The following CUTC variants were observed in gnomAD, a reference collection of about 807,000 sequenced individuals.
CUTC encodes the protein copper homeostasis protein cutC homolog.
A neutral mutation model predicts 36.2 loss-of-function variants in CUTC; 27 were observed. The observed-to-expected ratio is 0.75, with a 90% CI of 0.55 to 1.03. The LOEUF (loss-of-function observed/expected upper bound fraction) is 1.03, where lower values mean the gene tolerates loss of function less well. CUTC is among the 50% of genes least tolerant of loss of function. The pLI is 0.00. For missense variants in CUTC, 315 were observed against 343.5 expected (o/e 0.92, Z 0.66); for synonymous variants, 114 against 118.3 (o/e 0.96, Z 0.24).
chr10:99,752,117 T>C (rs1412253595), intron 7 of CUTC, among the ~76,000 whole-genome samples: 4 of 152,148 alleles, frequency 2.6e-5, no homozygotes, highest in Non-Finnish European at 5.9e-5. Context: ...CTACTAGTGA[T>C]GTCAAGACTG....
chr10:99,753,545 G>A (rs1590123250), intron 7 of CUTC, among the ~76,000 whole-genome samples: 3 of 152,148 alleles, frequency 2.0e-5, no homozygotes, highest in East Asian at 3.9e-4. Context: ...GAATAGGTGG[G>A]TCTACAGGCA....
chr10:99,734,165 G>A (rs921334089), intron 1 of CUTC, among the ~76,000 whole-genome samples: 1 of 149,546 alleles, frequency 6.7e-6, no homozygotes, highest in Non-Finnish European at 1.5e-5. Flanking sequence ...CACCTCCCAG[G>A]TTCAAGCAAT....
At chr10:99,739,584 T>C (rs990007868) in intron 2 of CUTC, 126 bp from the exon 3 acceptor site, 3 of 824,244 alleles carry the variant, frequency 3.6e-6, no homozygotes, top group Non-Finnish European at 5.8e-6. Context: ...TCTAGCTTTA[T>C]AATTTGATTT....
intron 1 of CUTC, chr10:99,732,671 T>G: frequency 7.4e-7 from 1 of 1,354,408 alleles, no homozygotes; most frequent in Non-Finnish European, 9.5e-7. Flanking sequence ...CTTGTGCAAG[T>G]TGGTTAACTT....
chr10:99,734,461 T>C (rs956552806), intron 1 of CUTC, among the ~76,000 whole-genome samples: 1 of 152,080 alleles, frequency 6.6e-6, no homozygotes, highest in East Asian at 1.9e-4. Context: ...AAAAATTGCT[T>C]TTTTAAATTA....
chr10:99,751,943 A>G (rs2037422164), intron 7 of CUTC, among the ~76,000 whole-genome samples: 1 of 152,224 alleles, frequency 6.6e-6, no homozygotes, highest in East Asian at 1.9e-4. Context: ...GATATTGTTT[A>G]GCTTGTTCCT....
At chr10:99,744,106 C>T (rs1024825146) in intron 5 of CUTC, 34 bp downstream of exon 5, 1 of 1,579,852 alleles carries the variant, frequency 6.3e-7, no homozygotes, top group African/African-American at 1.3e-5. Flanking sequence ...TTCTATTGAA[C>T]AGTGTTAGTT....
rs1481373566 is a variant in CUTC, at chr10:99,755,679, G to A, written c.762G>A (p.Lys254=). 8 of 1,613,846 alleles carry A rather than the reference G, an allele frequency of 5.0e-6. No homozygotes were observed. The highest frequency in any genetic ancestry group is 6.8e-6 in the Non-Finnish European group (8 of 1,179,944). Residue 254 remains lysine, a synonymous_variant, in exon 9 of 9, where the codon AAG becomes AAA. Coordinates refer to ENST00000370476, the MANE Select transcript of CUTC (RefSeq NM_015960.3). ...TTTCTTGCTCAGAATATTCCCTAAA[G>A]GTAACAGATGTGACCAAAGTAAGGA... The part of the protein sequence containing the change: ...ASLSCSEYSL[K]VTDVTKVRTL...
intron 1 of CUTC, among the ~76,000 whole-genome samples, chr10:99,734,556 C>G (rs572139993): frequency 6.6e-6 from 1 of 152,110 alleles, no homozygotes; most frequent in African/African-American, 2.4e-5. Context: ...CACACCCCAC[C>G]AGAAGTGACC....
At chr10:99,749,559 A>G (rs966890552) in intron 6 of CUTC, among the ~76,000 whole-genome samples, 1 of 151,896 alleles carries the variant, frequency 6.6e-6, no homozygotes, top group African/African-American at 2.4e-5. Context: ...TATGTTTTGG[A>G]AAGCCTTGAT....
chr10:99,753,798 T>C (rs1320884261), intron 7 of CUTC, among the ~76,000 whole-genome samples: 1 of 152,060 alleles, frequency 6.6e-6, no homozygotes, highest in Non-Finnish European at 1.5e-5. Flanking sequence ...TGTGTAAAAA[T>C]AGGTTATTTC....
intron 3 of CUTC, among the ~76,000 whole-genome samples, chr10:99,741,430 A>G (rs945514691): frequency 6.6e-6 from 1 of 152,172 alleles, no homozygotes; most frequent in Non-Finnish European, 1.5e-5. Context: ...CTTTGCATGC[A>G]TGCACCGGTC....
intron 5 of CUTC, among the ~76,000 whole-genome samples, chr10:99,744,572 TA>T (rs895698856): frequency 6.6e-6 from 1 of 152,102 alleles, no homozygotes; most frequent in Non-Finnish European, 1.5e-5. Flanking sequence ...AATTGGGTCT[TA>T]TTAGGAAGGG....
chr10:99,739,760 C>A lies in CUTC; in HGVS notation c.184C>A (p.Pro62Thr), dbSNP rs898747392. The change falls in exon 3 of 9, where the codon CCC becomes ACC. Residue 62 changes from proline (P) to threonine (T), a missense_variant. Physicochemically the swap from Pro to Thr is conservative, Grantham distance 38. Transcript: ENST00000370476. The part of the protein sequence containing the change: ...CSGLSEGGTT[P>T]SMGVLQVVKQ... ...TGGTTTATCAGAGGGGGGAACTACA[C>A]CCAGCATGGGTAAGTGTCCATTTTT... 1 of 1,609,852 alleles carries A rather than the reference C, an allele frequency of 6.2e-7. No individual in the cohort carries two copies. Among genetic ancestry groups the A allele is most frequent in the African/African-American group, 1.3e-5 (1 of 74,690 alleles).
chr10:99,750,274 A>G (rs2133678054), intron 6 of CUTC, 95 bp from the exon 7 acceptor site: 1 of 787,186 alleles, frequency 1.3e-6, no homozygotes, highest in East Asian at 3.2e-5. Flanking sequence ...TTAAAATTTA[A>G]TATATTCTGA....
chr10:99,741,270 G>A (rs760258052), intron 3 of CUTC, among the ~76,000 whole-genome samples: 14 of 152,196 alleles, frequency 9.2e-5, no homozygotes, highest in Non-Finnish European at 1.5e-4. Context: ...ACTGAGTCAG[G>A]ATTCTTCTGT....
At chr10:99,741,850 G>A (rs1050396274) in intron 3 of CUTC, among the ~76,000 whole-genome samples, 2 of 152,022 alleles carry the variant, frequency 1.3e-5, no homozygotes, top group African/African-American at 4.8e-5. Context: ...GGGATTACAG[G>A]CATGAGCCAC....
intron 5 of CUTC, among the ~76,000 whole-genome samples, chr10:99,746,121 C>T (rs1446919657): frequency 1.3e-5 from 2 of 152,284 alleles, no homozygotes; most frequent in Non-Finnish European, 2.9e-5. Flanking sequence ...TATATGAGTG[C>T]TACCTGTGCA....
chr10:99,755,626 A>AATTC lies in CUTC; in HGVS notation c.712_715dup (p.Ser239PhefsTer42). On this transcript the variant is annotated frameshift_variant and splice_region_variant, in exon 9 of 9. Transcript: ENST00000370476. LOFTEE classifies it high-confidence loss of function. ...GTTCCTTTATTATTTCTGTTACAGAAATTCATCTGTTGCCATGGGAGCCTC... is the reference window on the plus strand; with the variant it reads ...GTTCCTTTATTATTTCTGTTACAGAAATTCATTCATCTGTTGCCATGGGAGCCTC... 1 of 1,596,758 alleles carries AATTC rather than the reference A, an allele frequency of 6.3e-7. No homozygotes were observed.
Sources: allele counts gnomAD v4.1 joint callset (sites outside exome capture counted in the v4.1 genomes callset), GRCh38; gene constraint gnomAD v4.1.1; transcripts MANE v1.5; gene names NCBI Gene and HGNC (gene_info 2026-07-23, HGNC 2026-07-21).